MED13L: variants seen among roughly 807,000 people sequenced by gnomAD.
MED13L encodes the protein mediator of RNA polymerase II transcription subunit 13-like.
A neutral mutation model predicts 220.9 loss-of-function variants in MED13L; 7 were observed. The ratio of observed to expected loss-of-function variants is 0.03; its 90% CI spans 0.02 to 0.06. MED13L has a LOEUF of 0.06. MED13L is among the 10% of genes least tolerant of loss of function. The pLI, the probability that MED13L is intolerant of heterozygous loss-of-function variation, is 1.00. For synonymous variants in MED13L, 1,011 were observed against 1,015.2 expected (o/e 1.00, Z 0.08); for missense variants, 1,965 against 2,760.5 (o/e 0.71, Z 6.46).
chr12:116,077,008 C>T (rs896965880), intron 4 of MED13L, among the ~76,000 whole-genome samples: 1 of 152,120 alleles, frequency 6.6e-6, no homozygotes, highest in Admixed American at 6.5e-5. Flanking sequence ...TCAGTGCAGT[C>T]TTTCCTTGAG....
Position 116,266,976 on chromosome 12 carries a change from T to G in MED13L, c.72+10084A>C, listed in dbSNP as rs78116298. The stretch of plus-strand genomic sequence containing the variant: ...TCAAAACACAGTAAGGGTTGTGACA[T>G]GTGTGTCAAACTAAAACATGATTTA... On this transcript the variant is annotated intron_variant, in intron 1 of 30. Transcript: ENST00000281928. 6.5e-3 allele frequency among the ~76,000 whole-genome samples: 986 copies of G among 152,332 alleles called. 9 individuals carry two copies. The highest frequency in any genetic ancestry group is 0.022 in the African/African-American group (925 of 41,570).
At position 115,958,846 on chromosome 12, in the gene MED13L, G is replaced by C. The variant is rs1379222736; in HGVS notation, c.*2420C>G. 1 of 152,432 alleles carries C rather than the reference G, an allele frequency of 6.6e-6. No homozygotes were observed. Among genetic ancestry groups the C allele is most frequent in the Non-Finnish European group, 1.5e-5 (1 of 68,010 alleles). The allele number at this position is 152,432 out of a possible 1,614,324, so 9.4% of individuals were successfully genotyped here. A position where few individuals can be genotyped will look rare whatever the true frequency, so the allele number is the denominator to read the frequency against. On this transcript the variant is annotated 3_prime_UTR_variant, in exon 31 of 31. Transcript: ENST00000281928. ...GAAAAAAGGAAACAAAAGAAATTCA[G>C]AACTTCCCAGAAATGTACAGCTTTT...
chr12:116,240,823 G>A (rs879154407), intron 1 of MED13L, among the ~76,000 whole-genome samples: 17 of 150,182 alleles, frequency 1.1e-4, no homozygotes, highest in African/African-American at 3.2e-4. Flanking sequence ...CACCACGCCC[G>A]GACATCAAGG....
chr12:116,232,205 G>C (rs1426194122), intron 2 of MED13L: 1 of 867,826 alleles, frequency 1.2e-6, no homozygotes, highest in East Asian at 1.2e-4. Flanking sequence ...CACAACAAAG[G>C]GTAATAACTG....
chr12:116,237,251 C>A (rs1015467563), intron 2 of MED13L, among the ~76,000 whole-genome samples: 7 of 151,882 alleles, frequency 4.6e-5, no homozygotes, highest in African/African-American at 1.7e-4. Context: ...CAGCGGTTCA[C>A]AAGGTTCTGA....
At chr12:116,275,251 A>C (rs1220219798) in intron 1 of MED13L, among the ~76,000 whole-genome samples, 2 of 152,216 alleles carry the variant, frequency 1.3e-5, no homozygotes, top group African/African-American at 4.8e-5. Flanking sequence ...CCTGACTGAT[A>C]CTAAATGATA....
In MED13L at chr12:116,019,904, T is replaced by C. The variant is rs760127416; in HGVS notation, c.694A>G (p.Thr232Ala). The C allele has an allele frequency of 6.2e-7, 1 of 1,613,848 alleles. No homozygotes were observed. The highest frequency in any genetic ancestry group is 8.5e-7 in the Non-Finnish European group (1 of 1,179,914). Reference protein sequence around the residue: ...GQAYKMSDPATRKLIEEWQYF... With the variant: ...GQAYKMSDPAARKLIEEWQYF... Reference sequence around the variant, plus strand: ...TGCCATTCCTCAATCAACTTACGAGTGGCTGGGTCTGACATCTTGTATGCT... The same window carrying C: ...TGCCATTCCTCAATCAACTTACGAGCGGCTGGGTCTGACATCTTGTATGCT... The change falls in exon 6 of 31, where the codon ACT becomes GCT. Residue 232 changes from threonine (T) to alanine (A), a missense_variant. Transcript: ENST00000281928.
At position 116,253,130 on chromosome 12, in the gene MED13L, T is replaced by C. The variant is rs183538910; in HGVS notation, c.73-15425A>G. ...TACAAAAACTAGCCAGATGTGTTGG[T>C]GCGCACCTGTAATCCCAGCTACTTG... On this transcript the variant is annotated intron_variant, in intron 1 of 30. Transcript: ENST00000281928. 1.5e-3 allele frequency among the ~76,000 whole-genome samples: 209 copies of C among 143,652 alleles called. 1 individual carries two copies. Among genetic ancestry groups the C allele is most frequent in the African/African-American group, 5.4e-3 (204 of 38,016 alleles). The allele number at this position is 143,652 out of a possible 152,430, so 94.2% of individuals were successfully genotyped here.
rs1169537877 is a variant in MED13L at position 115,997,126 on chromosome 12, C to G, written c.2674G>C (p.Val892Leu). Residue 892 changes from valine to leucine, a missense_variant, in exon 15 of 31, where the codon GTG (valine) becomes CTG (leucine). By Grantham distance (32) the Val-to-Leu change is conservative. This residue lies in a region of MED13L where 233 missense variants were observed against 306.2 expected (regional missense o/e 0.76). Transcript: ENST00000281928. ...NYKDGISSET[V>L]TALGMMESPM... ...CTCTCCATCATGCCTAATGCTGTCA[C>G]TGTCTCTGAGCTGATCCCATCTTTA... is the stretch of plus-strand genomic sequence containing the variant. 6.2e-7 allele frequency: 1 copy of G among 1,614,104 alleles called. No individual in the cohort carries two copies. Among genetic ancestry groups the G allele is most frequent in the Non-Finnish European group, 8.5e-7 (1 of 1,179,966 alleles).
At chr12:116,162,872 T>C (rs1878992251) in intron 2 of MED13L, among the ~76,000 whole-genome samples, 1 of 152,150 alleles carries the variant, frequency 6.6e-6, no homozygotes, top group Non-Finnish European at 1.5e-5. Context: ...ATCATTGAAG[T>C]CTTATTAAAT....
chr12:116,159,529 CTTT>C (rs1878700364), intron 2 of MED13L, among the ~76,000 whole-genome samples: 1 of 152,124 alleles, frequency 6.6e-6, no homozygotes, highest in South Asian at 2.1e-4. Context: ...CTATAATTCA[CTTT>C]TTATCACTCT....
At chr12:116,093,658 T>C (rs907289498) in intron 4 of MED13L, among the ~76,000 whole-genome samples, 1 of 151,986 alleles carries the variant, frequency 6.6e-6, no homozygotes, top group African/African-American at 2.4e-5. Flanking sequence ...TCAGTAATGC[T>C]AGTAATCCTA....
chr12:116,139,343 C>G (rs1876853341), intron 2 of MED13L, among the ~76,000 whole-genome samples: 1 of 152,186 alleles, frequency 6.6e-6, no homozygotes, highest in Admixed American at 6.5e-5. Context: ...AAATTACACT[C>G]ACCTGGAAAC....
Position 116,006,321 on chromosome 12 carries a change from A to G in MED13L, c.2329T>C (p.Ser777Pro). The change falls in exon 12 of 31, where the codon TCT (serine) becomes CCT (proline). Residue 777 changes from serine (S) to proline (P), a missense_variant. This residue lies in a region of MED13L where 818 missense variants were observed against 1,041.2 expected (regional missense o/e 0.79). Transcript: ENST00000281928. ...TTGTACACACCTGTTTTAGTAGCAGAACTGAAAATAGACATGGCATTTTTC... is the reference window on the plus strand; with the variant it reads ...TTGTACACACCTGTTTTAGTAGCAGGACTGAAAATAGACATGGCATTTTTC... ...DGKNAMSIFS[S>P]ATKTDVRQDN... The G allele has an allele frequency of 6.2e-7, 1 of 1,613,894 alleles. No individual in the cohort carries two copies. Among genetic ancestry groups the G allele is most frequent in the Non-Finnish European group, 8.5e-7 (1 of 1,179,802 alleles).
chr12:116,231,500 C>A (rs1393339194), intron 2 of MED13L, among the ~76,000 whole-genome samples: 1 of 151,978 alleles, frequency 6.6e-6, no homozygotes, highest in East Asian at 1.9e-4. Context: ...ATCATTGATC[C>A]CCAAGACAAC....
chr12:116,157,865 C>T (rs566822896), intron 2 of MED13L, among the ~76,000 whole-genome samples: 1 of 152,244 alleles, frequency 6.6e-6, no homozygotes, highest in African/African-American at 2.4e-5. Context: ...GCCCTTAGTG[C>T]CCAAGCATAA....
chr12:116,023,853 T>C (rs1176063958), intron 4 of MED13L, among the ~76,000 whole-genome samples: 1 of 152,064 alleles, frequency 6.6e-6, no homozygotes, highest in Non-Finnish European at 1.5e-5. Context: ...AAAGCAAAAA[T>C]GCACATAATT....
At chr12:116,015,381 T>C in intron 7 of MED13L, 107 bp from the exon 8 acceptor site, 3 of 1,202,808 alleles carry the variant, frequency 2.5e-6, no homozygotes, top group East Asian at 2.4e-5. Context: ...TTGAAAGTCA[T>C]ATACATAGCT....
chr12:116,230,071 T>C (rs148576592), intron 2 of MED13L, among the ~76,000 whole-genome samples: 8 of 152,320 alleles, frequency 5.3e-5, no homozygotes, highest in African/African-American at 1.4e-4. Flanking sequence ...GAAATACAAA[T>C]GTATTCTTCA....
Sources: gnomAD v4.1 joint callset for allele counts (sites outside exome capture counted in the v4.1 genomes callset) on GRCh38, gnomAD v4.1.1 for gene constraint, gnomAD v4.1.1 regional missense constraint, MANE v1.5 for transcripts, NCBI Gene and HGNC (gene_info 2026-07-23, HGNC 2026-07-21) for gene names.